The following KDM4C variants were observed in gnomAD, a reference collection of about 807,000 sequenced individuals.
KDM4C encodes the protein lysine-specific demethylase 4C.
In KDM4C, 81 loss-of-function variants were observed where a neutral mutation model predicts 129.3. The observed-to-expected ratio is 0.63, with a 90% CI of 0.52 to 0.75. The LOEUF is 0.75. Ranked by LOEUF, KDM4C falls within the 30% of genes least tolerant of loss-of-function variation. The pLI is 0.00. For missense variants in KDM4C, 1,457 were observed against 1,304.0 expected, an observed-to-expected ratio of 1.12 and a Z score of -1.81; for synonymous variants, 573 against 456.1, an observed-to-expected ratio of 1.26 and a Z score of -3.26.
rs145803361 is a variant in KDM4C, at chr9:7,053,462, T to G, written c.2424+4262T>G. ...TTTTGGTGCTCTTCTGTGGATTTAT[T>G]GATCCTAAAATGGTGTGTGCTTCAT... On this transcript the variant is annotated intron_variant, in intron 17 of 21. Coordinates refer to ENST00000381309, the MANE Select transcript of KDM4C (RefSeq NM_015061.6). Among the ~76,000 whole-genome samples the G allele has an allele frequency of 6.3e-4, 96 of 152,328 alleles. 1 individual carries two copies. In the East Asian group the frequency reaches 0.016, roughly 25 times the overall value.
intron 17 of KDM4C, among the ~76,000 whole-genome samples, chr9:7,081,156 G>T (rs1002037768): frequency 6.6e-6 from 1 of 152,082 alleles, no homozygotes; most frequent in Non-Finnish European, 1.5e-5. Context: ...ATGTGGAGGG[G>T]GATTACTTCA....
upstream of KDM4C, chr9:6,757,814 C>G (rs1818496008): frequency 5.1e-6 from 5 of 985,500 alleles, no homozygotes; most frequent in African/African-American, 1.7e-5. Flanking sequence ...GTCCAAAGGA[C>G]AAGAAGATGC....
intron 19 of KDM4C, among the ~76,000 whole-genome samples, chr9:7,128,791 CGT>C (rs776328192): frequency 5.3e-5 from 8 of 151,698 alleles, no homozygotes; most frequent in Non-Finnish European, 1.0e-4. Flanking sequence ...TGTGCGTGCG[CGT>C]GTGTGTGTGT....
chr9:7,008,812 G>A (rs937374200), intron 12 of KDM4C, among the ~76,000 whole-genome samples: 8 of 152,210 alleles, frequency 5.3e-5, no homozygotes, highest in Non-Finnish European at 1.2e-4. Flanking sequence ...CACAAGGCCG[G>A]AGGATTCCAG....
intron 8 of KDM4C, chr9:6,924,913 G>A: frequency 2.0e-6 from 2 of 984,674 alleles, no homozygotes; most frequent in Non-Finnish European, 2.4e-6. Flanking sequence ...TCAGAGTACA[G>A]CCTTTAGTTC....
At position 6,821,963 on chromosome 9, in the gene KDM4C, C is replaced by T. The variant is rs533624674; in HGVS notation, c.435+7218C>T. 4.6e-5 allele frequency among the ~76,000 whole-genome samples: 7 copies of T among 152,240 alleles called. No homozygotes were observed. In the South Asian group the frequency reaches 1.0e-3, roughly 23 times the overall value. ...CCCTCTTTTATTCTGCTGCTGCTTT[C>T]AGAGCTTGATTTCCTTAGGTTATAC... On this transcript the variant is annotated intron_variant, in intron 4 of 21. Coordinates refer to ENST00000381309, the MANE Select transcript of KDM4C (RefSeq NM_015061.6).
chr9:7,047,282 A>C (rs1829539145), intron 16 of KDM4C, among the ~76,000 whole-genome samples: 1 of 152,078 alleles, frequency 6.6e-6, no homozygotes, highest in Non-Finnish European at 1.5e-5. Context: ...GAGAAAGTGA[A>C]ACCGTGATCT....
At chr9:7,071,145 C>G (rs551743500) in intron 17 of KDM4C, among the ~76,000 whole-genome samples, 4 of 152,006 alleles carry the variant, frequency 2.6e-5, no homozygotes, top group Non-Finnish European at 5.9e-5. Context: ...CTATAAAACG[C>G]TAATAAAGGA....
intron 13 of KDM4C, among the ~76,000 whole-genome samples, chr9:7,012,883 C>A (rs1205100228): frequency 6.6e-6 from 1 of 152,020 alleles, no homozygotes; most frequent in Non-Finnish European, 1.5e-5. Flanking sequence ...TCTTAGAGTT[C>A]CTTATAAAAA....
intron 1 of KDM4C, among the ~76,000 whole-genome samples, chr9:6,764,260 A>G (rs1820176264): frequency 6.6e-6 from 1 of 152,216 alleles, no homozygotes; most frequent in African/African-American, 2.4e-5. Flanking sequence ...AGAACAGAAT[A>G]TAGCATTAGA....
intron 8 of KDM4C, among the ~76,000 whole-genome samples, chr9:6,916,152 C>T (rs1243506730): frequency 3.3e-5 from 5 of 152,030 alleles, no homozygotes; most frequent in Non-Finnish European, 7.4e-5. Context: ...TTTTGACAGT[C>T]ACTTCTGAGT....
At chr9:6,897,747 A>G (rs536915677) in intron 8 of KDM4C, among the ~76,000 whole-genome samples, 5 of 152,334 alleles carry the variant, frequency 3.3e-5, no homozygotes, top group African/African-American at 9.6e-5. Context: ...CTCCACTTGC[A>G]AAGTTGTAGT....
chr9:6,997,191 AG>A (rs1278035633), intron 12 of KDM4C, among the ~76,000 whole-genome samples: 2 of 151,128 alleles, frequency 1.3e-5, no homozygotes, highest in Non-Finnish European at 2.9e-5. Flanking sequence ...TTGTAAGGAG[AG>A]GGGGAAAGTG....
At chr9:6,896,097 T>G (rs1052050643) in intron 8 of KDM4C, among the ~76,000 whole-genome samples, 4 of 152,220 alleles carry the variant, frequency 2.6e-5, no homozygotes, top group Admixed American at 6.5e-5. Context: ...ATTTGTGCAC[T>G]GGGCATACAT....
chr9:6,819,908 AT>A (rs1249778871), intron 4 of KDM4C, among the ~76,000 whole-genome samples: 1 of 151,974 alleles, frequency 6.6e-6, no homozygotes, highest in Non-Finnish European at 1.5e-5. Context: ...TCATGGCATT[AT>A]TTTGAAACGA....
chr9:6,811,415 G>C (rs1347357497), intron 3 of KDM4C, among the ~76,000 whole-genome samples: 2 of 152,102 alleles, frequency 1.3e-5, no homozygotes, highest in African/African-American at 4.8e-5. Flanking sequence ...GCTTCCCAAA[G>C]TGCTGGGATC....
chr9:7,036,326 G>T (rs1392121048), intron 15 of KDM4C, among the ~76,000 whole-genome samples: 1 of 152,148 alleles, frequency 6.6e-6, no homozygotes, highest in African/African-American at 2.4e-5. Flanking sequence ...GTTGTATAAC[G>T]TTAACAAAGT....
chr9:7,117,457 C>T (rs906933177), intron 18 of KDM4C, among the ~76,000 whole-genome samples: 3 of 152,094 alleles, frequency 2.0e-5, no homozygotes, highest in Admixed American at 6.6e-5. Context: ...TCCCATCAGA[C>T]GTCATTTAAA....
At chr9:7,026,906 A>G (rs1374533218) in intron 15 of KDM4C, among the ~76,000 whole-genome samples, 6 of 151,798 alleles carry the variant, frequency 4.0e-5, no homozygotes. Flanking sequence ...TGTCAGTAGC[A>G]TTTTTCAACT....
Sources: allele counts gnomAD v4.1 joint callset (sites outside exome capture counted in the v4.1 genomes callset), GRCh38; gene constraint gnomAD v4.1.1; transcripts MANE v1.5; gene names NCBI Gene and HGNC (gene_info 2026-07-23, HGNC 2026-07-21).